Variants in RAPGEF1 observed in about 807,000 individuals in gnomAD.
The protein encoded by RAPGEF1 is Rap guanine nucleotide exchange factor 1.
Under a neutral mutation model 143.3 loss-of-function variants are expected in RAPGEF1, and 33 were observed. That is an observed-to-expected ratio of 0.23 (90% confidence interval 0.17 to 0.31). The LOEUF is 0.31. RAPGEF1 is among the 10% of genes least tolerant of loss of function. The pLI is 1.00. For missense variants in RAPGEF1, 1,199 were observed against 1,645.4 expected, an observed-to-expected ratio of 0.73 and a Z score of 4.69; for synonymous variants, 629 against 676.5, an observed-to-expected ratio of 0.93 and a Z score of 1.09.
chr9:131,680,127 G>C (rs1832780202), intron 1 of RAPGEF1, among the ~76,000 whole-genome samples: 1 of 152,230 alleles, frequency 6.6e-6, no homozygotes, highest in Non-Finnish European at 1.5e-5. Context: ...TGGACAATAA[G>C]GACAATGTCT....
intron 1 of RAPGEF1, among the ~76,000 whole-genome samples, chr9:131,722,428 G>A (rs1339417413): frequency 6.6e-6 from 1 of 152,226 alleles, no homozygotes; most frequent in African/African-American, 2.4e-5. Context: ...GAGAGAGTAA[G>A]TGCTGCTGAT....
chr9:131,724,472 G>A (rs1405719070), intron 1 of RAPGEF1, among the ~76,000 whole-genome samples: 1 of 152,182 alleles, frequency 6.6e-6, no homozygotes, highest in Non-Finnish European at 1.5e-5. Flanking sequence ...GCGGGCGCCT[G>A]TAGTCCCAGC....
intron 1 of RAPGEF1, among the ~76,000 whole-genome samples, chr9:131,704,951 G>C (rs1226889713): frequency 6.6e-6 from 1 of 152,204 alleles, no homozygotes; most frequent in African/African-American, 2.4e-5. Flanking sequence ...CTTTTGTGAA[G>C]TAATATTTGC....
At chr9:131,719,443 G>T (rs1322914410) in intron 1 of RAPGEF1, among the ~76,000 whole-genome samples, 2 of 151,926 alleles carry the variant, frequency 1.3e-5, no homozygotes, top group African/African-American at 4.8e-5. Flanking sequence ...GTCTTTTTGG[G>T]GCTATTATTA....
At position 131,706,259 on chromosome 9, in the gene RAPGEF1, ATTC is replaced by A. The variant is rs1372052952; in HGVS notation, c.61+33508_61+33510del. On this transcript the variant is annotated intron_variant, in intron 1 of 26. Coordinates refer to ENST00000683357, the MANE Select transcript of RAPGEF1 (RefSeq NM_001377935.1). Reference sequence around the variant, plus strand: ...ATCAGGGTCATGGTGGTGCCCTGACATTCTTCTTCTTTTTTTTTTTGAAACAGG... The same window carrying A: ...ATCAGGGTCATGGTGGTGCCCTGACATTCTTCTTTTTTTTTTTGAAACAGG... 1.5e-4 allele frequency among the ~76,000 whole-genome samples: 23 copies of A among 150,018 alleles called. No individual in the cohort carries two copies. The East Asian group carries it at 2.1e-3, about 14-fold the overall frequency.
Position 131,589,936 on chromosome 9 carries a change from G to T in RAPGEF1, c.2817C>A (p.Arg939=), listed in dbSNP as rs1300250015. 44 of 1,613,758 alleles carry T rather than the reference G, an allele frequency of 2.7e-5. No homozygotes were observed. The Admixed American group carries it at 7.2e-4, about 26-fold the overall frequency. ...FSPFADTFKK[R]VSKNTFFVLV... ...GCACGAAGAACGTGTTCTTGCTGAC[G>T]CGCTTCTTGAATGTGTCGGCAAAGG... Residue 939 remains arginine, a synonymous_variant, in exon 19 of 27, where the codon CGC becomes CGA. Transcript: ENST00000683357.
intron 1 of RAPGEF1, among the ~76,000 whole-genome samples, chr9:131,709,078 G>A (rs1835312097): frequency 6.6e-6 from 1 of 152,168 alleles, no homozygotes; most frequent in Non-Finnish European, 1.5e-5. Context: ...GCCAGGCGCG[G>A]TGGCTCACAC....
chr9:131,678,588 C>G (rs570737563), intron 1 of RAPGEF1, among the ~76,000 whole-genome samples: 318 of 152,310 alleles, frequency 2.1e-3, no homozygotes, highest in Non-Finnish European at 3.3e-3. Context: ...ATATGTTCCT[C>G]CCCATCTATT....
At chr9:131,695,415 AG>A (rs984510481) in intron 1 of RAPGEF1, among the ~76,000 whole-genome samples, 4 of 152,206 alleles carry the variant, frequency 2.6e-5, no homozygotes, top group African/African-American at 9.7e-5. Flanking sequence ...TTAGTGTAGA[AG>A]GGCCTCTTGG....
chr9:131,615,301 C>T (rs866547103), intron 12 of RAPGEF1, among the ~76,000 whole-genome samples: 10 of 152,214 alleles, frequency 6.6e-5, no homozygotes, highest in Admixed American at 1.3e-4. Context: ...GTCTTGATTT[C>T]CTGACCTCGT....
At chr9:131,727,607 A>T (rs890643137) in intron 1 of RAPGEF1, among the ~76,000 whole-genome samples, 10 of 152,154 alleles carry the variant, frequency 6.6e-5, no homozygotes, top group African/African-American at 2.4e-4. Flanking sequence ...CCATGACTTT[A>T]GCCTACAGAA....
At chr9:131,600,136 C>G (rs1956028886) in intron 15 of RAPGEF1, among the ~76,000 whole-genome samples, 1 of 152,016 alleles carries the variant, frequency 6.6e-6, no homozygotes, top group South Asian at 2.1e-4. Context: ...AAAAAATGTG[C>G]CTTCAGTAAA....
intron 1 of RAPGEF1, among the ~76,000 whole-genome samples, chr9:131,695,947 G>C (rs561157815): frequency 6.6e-6 from 1 of 152,222 alleles, no homozygotes; most frequent in Admixed American, 6.5e-5. Context: ...TGACCTGAAA[G>C]GCAGAGTGGC....
chr9:131,724,155 C>G (rs1342360802), intron 1 of RAPGEF1, among the ~76,000 whole-genome samples: 1 of 152,208 alleles, frequency 6.6e-6, no homozygotes, highest in South Asian at 2.1e-4. Context: ...GATCTTCATC[C>G]TCACTCAGGT....
chr9:131,583,024 C>A lies in RAPGEF1; in HGVS notation c.3415-322G>T, dbSNP rs1158898390. ...CGACATCCCGGAAGATGGGCTCCTG[C>A]CTGGCCCTGTTCGGCGGTGCAGCCA... On this transcript the variant is annotated intron_variant, in intron 24 of 26. Coordinates refer to ENST00000683357, the MANE Select transcript of RAPGEF1 (RefSeq NM_001377935.1). The surrounding 1 kb of genome is among the most constrained non-coding windows in gnomAD (Gnocchi z 4.7). Among the ~76,000 whole-genome samples, 2 of 152,216 alleles carry A rather than the reference C, an allele frequency of 1.3e-5. No individual in the cohort carries two copies. The highest frequency in any genetic ancestry group is 2.9e-5 in the Non-Finnish European group (2 of 68,036).
At chr9:131,630,418 A>C (rs909576158) in intron 5 of RAPGEF1, 94 bp from the exon 6 acceptor site, 1 of 1,237,214 alleles carries the variant, frequency 8.1e-7, no homozygotes, top group African/African-American at 1.5e-5. Flanking sequence ...TCTGCTGCTG[A>C]GTCTCATTTC....
intron 1 of RAPGEF1, among the ~76,000 whole-genome samples, chr9:131,684,080 C>A (rs953982254): frequency 1.3e-5 from 2 of 152,236 alleles, no homozygotes; most frequent in African/African-American, 4.8e-5. Context: ...AACGCAGATA[C>A]AGCATTACCT....
chr9:131,619,257 A>C, intron 11 of RAPGEF1, 51 bp from the exon 12 acceptor site: 2 of 1,279,680 alleles, frequency 1.6e-6, no homozygotes, highest in Non-Finnish European at 2.1e-6. Context: ...GGAGAGAAGC[A>C]GAGAACAGTC....
Position 131,643,434 on chromosome 9 carries a change from G to T in RAPGEF1, c.316-17C>A. On this transcript the variant is annotated splice_polypyrimidine_tract_variant and intron_variant, in intron 3 of 26. Transcript: ENST00000683357. Reference sequence around the variant, plus strand: ...GCTCAGGTTCTGAAAGGAGACGTTAGGCATAAGGAGGAGGAGAGAGATTAA... The same window carrying T: ...GCTCAGGTTCTGAAAGGAGACGTTATGCATAAGGAGGAGGAGAGAGATTAA... 6.2e-7 allele frequency: 1 copy of T among 1,604,320 alleles called. No individual in the cohort carries two copies. Among genetic ancestry groups the T allele is most frequent in the Non-Finnish European group, 8.5e-7 (1 of 1,175,808 alleles).
Sources: allele counts gnomAD v4.1 joint callset (sites outside exome capture counted in the v4.1 genomes callset), GRCh38; gene constraint gnomAD v4.1.1; non-coding constraint Gnocchi (gnomAD v3.1); transcripts MANE v1.5; gene names NCBI Gene and HGNC (gene_info 2026-07-23, HGNC 2026-07-21).